Variants in DNAJC12 observed in about 807,000 individuals in gnomAD.
DNAJC12 encodes dnaJ homolog subfamily C member 12.
A neutral mutation model predicts 28.5 loss-of-function variants in DNAJC12; 25 were observed. The observed-to-expected ratio is 0.88, with a 90% CI of 0.64 to 1.22. The LOEUF (loss-of-function observed/expected upper bound fraction) is 1.22. Among genes scored for constraint, DNAJC12 ranks in the 50% most tolerant of loss-of-function variants. The pLI, the probability that DNAJC12 is intolerant of heterozygous loss-of-function variation, is 0.00. For synonymous variants in DNAJC12, 77 were observed against 80.6 expected (o/e 0.95, Z 0.24); for missense variants, 222 against 231.7 (o/e 0.96, Z 0.27).
At chr10:67,797,871 T>C (rs1475133409) in intron 4 of DNAJC12, among the ~76,000 whole-genome samples, 4 of 151,868 alleles carry the variant, frequency 2.6e-5, no homozygotes, top group Admixed American at 6.6e-5. Flanking sequence ...AAACCCCGTC[T>C]CTACTAAAAA....
chr10:67,824,888 C>T (rs1389168553), intron 1 of DNAJC12, among the ~76,000 whole-genome samples: 1 of 152,044 alleles, frequency 6.6e-6, no homozygotes, highest in African/African-American at 2.4e-5. Context: ...TGCCCACCAC[C>T]ACGCCTGGCT....
chr10:67,810,621 A>C (rs1841849733), intron 3 of DNAJC12, among the ~76,000 whole-genome samples: 1 of 152,234 alleles, frequency 6.6e-6, no homozygotes, highest in African/African-American at 2.4e-5. Flanking sequence ...TATGAGATTT[A>C]ACAATCTAGC....
intron 1 of DNAJC12, among the ~76,000 whole-genome samples, chr10:67,835,249 G>A (rs1322170035): frequency 6.6e-6 from 1 of 151,992 alleles, no homozygotes; most frequent in Admixed American, 6.6e-5. Flanking sequence ...AATGCTTTCG[G>A]GCATGATGAG....
intron 4 of DNAJC12, among the ~76,000 whole-genome samples, chr10:67,800,742 G>C (rs929555900): frequency 6.6e-6 from 1 of 152,062 alleles, no homozygotes; most frequent in Non-Finnish European, 1.5e-5. Context: ...TCAGGAGTTC[G>C]AGACCAGCCT....
intron 1 of DNAJC12, chr10:67,825,682 A>T (rs1842022952): frequency 5.3e-4 from 1 of 1,892 alleles, no homozygotes; most frequent in African/African-American, 5.7e-4. Flanking sequence ...ATCCTTAGTC[A>T]ACTCTCATAA....
intron 4 of DNAJC12, 24 bp from the exon 5 acceptor site, chr10:67,797,234 T>C (rs1841682854): frequency 1.3e-6 from 2 of 1,599,334 alleles, no homozygotes; most frequent in Non-Finnish European, 1.7e-6. Context: ...AAAGTAAATA[T>C]TTAAAATCAG....
intron 1 of DNAJC12, among the ~76,000 whole-genome samples, chr10:67,831,300 A>G (rs1469387851): frequency 2.6e-5 from 4 of 152,206 alleles, no homozygotes; most frequent in Non-Finnish European, 4.4e-5. Flanking sequence ...CATACTCCAA[A>G]ATGTTAAACA....
At chr10:67,800,524 T>G (rs1486590723) in intron 4 of DNAJC12, among the ~76,000 whole-genome samples, 2 of 152,232 alleles carry the variant, frequency 1.3e-5, no homozygotes, top group African/African-American at 4.8e-5. Flanking sequence ...TGCTGCCAAG[T>G]AGGCTCCATT....
Position 67,805,687 on chromosome 10 carries a change from C to A in DNAJC12, c.398G>T (p.Arg133Ile). The A allele has an allele frequency of 6.2e-7, 1 of 1,613,670 alleles. No individual in the cohort carries two copies. Among genetic ancestry groups the A allele is most frequent in the South Asian group, 1.1e-5 (1 of 90,988 alleles). Reference sequence around the variant, plus strand: ...AGCCAGCTCCTCTTTCTTTCTTTCTCTTTGCTCATTACATTCCTCATTTTC... The same window carrying A: ...AGCCAGCTCCTCTTTCTTTCTTTCTATTTGCTCATTACATTCCTCATTTTC... ...KMENEECNEQ[R>I]ERKKEELAST... Residue 133 changes from arginine (R) to isoleucine (I), a missense_variant, in exon 4 of 5, where the codon AGA becomes ATA. Physicochemically the swap from Arg to Ile is moderately conservative, Grantham distance 97. Transcript: ENST00000225171.
At chr10:67,807,260 CA>C (rs1335336843) in intron 3 of DNAJC12, among the ~76,000 whole-genome samples, 44 of 135,186 alleles carry the variant, frequency 3.3e-4, no homozygotes, top group South Asian at 7.0e-4. Flanking sequence ...GATTCTGTCT[CA>C]AAAAAAAAAA....
At chr10:67,797,643 G>A (rs991257414) in intron 4 of DNAJC12, among the ~76,000 whole-genome samples, 4 of 151,972 alleles carry the variant, frequency 2.6e-5, no homozygotes, top group Admixed American at 6.6e-5. Flanking sequence ...CAACATTGTT[G>A]AAAACCAGAG....
chr10:67,805,462 TA>T, intron 4 of DNAJC12, 120 bp downstream of exon 4: 1 of 1,067,206 alleles, frequency 9.4e-7, no homozygotes, highest in Non-Finnish European at 1.3e-6. Context: ...TTTAAGATGA[TA>T]AACCAATCTT....
chr10:67,808,121 T>C (rs547896218), intron 3 of DNAJC12, among the ~76,000 whole-genome samples: 1 of 152,316 alleles, frequency 6.6e-6, no homozygotes, highest in African/African-American at 2.4e-5. Flanking sequence ...TCCACAAGGG[T>C]ATTAGTTGCA....
At chr10:67,797,854 C>T (rs963033138) in intron 4 of DNAJC12, among the ~76,000 whole-genome samples, 1 of 152,082 alleles carries the variant, frequency 6.6e-6, no homozygotes, top group South Asian at 2.1e-4. Context: ...TCCTGGCTAA[C>T]ACGGTGAAAC....
chr10:67,836,933 A>G (rs1842147301), intron 1 of DNAJC12, among the ~76,000 whole-genome samples: 1 of 150,166 alleles, frequency 6.7e-6, no homozygotes, highest in Non-Finnish European at 1.5e-5. Context: ...AAACATAAAT[A>G]TATCCTAATA....
At chr10:67,803,077 C>A (rs1000767522) in intron 4 of DNAJC12, among the ~76,000 whole-genome samples, 5 of 151,912 alleles carry the variant, frequency 3.3e-5, no homozygotes, top group African/African-American at 4.8e-5. Context: ...CGGCCTCAAG[C>A]AATCCGCCCA....
intron 3 of DNAJC12, among the ~76,000 whole-genome samples, chr10:67,807,324 G>A (rs554507534): frequency 6.6e-6 from 1 of 152,220 alleles, no homozygotes; most frequent in South Asian, 2.1e-4. Context: ...AAACATACAA[G>A]GTGGGAGATT....
intron 1 of DNAJC12, among the ~76,000 whole-genome samples, chr10:67,836,119 G>A (rs916419494): frequency 4.0e-5 from 6 of 151,824 alleles, no homozygotes; most frequent in African/African-American, 1.5e-4. Context: ...AACACCACAT[G>A]TTCTCACTCA....
intron 4 of DNAJC12, among the ~76,000 whole-genome samples, chr10:67,802,949 A>C (rs9804226): frequency 0.17 from 24,877 of 144,380 alleles, 2,258 homozygotes; most frequent in African/African-American, 0.24. Flanking sequence ...ATCCCCCCCC[A>C]CACACACACC....
Sources: allele counts gnomAD v4.1 joint callset (sites outside exome capture counted in the v4.1 genomes callset), GRCh38; gene constraint gnomAD v4.1.1; transcripts MANE v1.5; gene names NCBI Gene and HGNC (gene_info 2026-07-23, HGNC 2026-07-21).